Variants in CCNB1IP1 observed in about 807,000 individuals in gnomAD.
CCNB1IP1 encodes the protein E3 ubiquitin-protein ligase CCNB1IP1.
A neutral mutation model predicts 25.6 loss-of-function variants in CCNB1IP1; 14 were observed. The observed-to-expected ratio is 0.55, with a 90% CI of 0.36 to 0.85. The LOEUF (loss-of-function observed/expected upper bound fraction) is 0.85, where lower values mean the gene tolerates loss of function less well. Among genes scored for constraint, CCNB1IP1 ranks in the 40% least tolerant of loss-of-function variants. The pLI is 0.01. For synonymous variants in CCNB1IP1, 119 were observed against 116.1 expected, an observed-to-expected ratio of 1.02 and a Z score of -0.16; for missense variants, 278 against 342.4, an observed-to-expected ratio of 0.81 and a Z score of 1.48.
At chr14:20,313,943 C>G in intron 5 of CCNB1IP1, 142 bp from the exon 6 acceptor site, 1 of 578,716 alleles carries the variant, frequency 1.7e-6, no homozygotes, top group Admixed American at 3.5e-5. Context: ...AAGAAGCAAT[C>G]AGGATACACA....
chr14:20,318,237 G>A (rs1489092517), intron 4 of CCNB1IP1: 1 of 152,298 alleles, frequency 6.6e-6, no homozygotes, highest in Non-Finnish European at 1.5e-5. Flanking sequence ...ACTTTGGGAG[G>A]CTGAGGCGGG....
chr14:20,326,614 T>C (rs940721765), intron 3 of CCNB1IP1, 102 bp downstream of exon 3: 1 of 443,688 alleles, frequency 2.3e-6, no homozygotes, highest in Non-Finnish European at 4.7e-6. Context: ...GGATTTTTTT[T>C]AATTACCAAA....
At chr14:20,312,919 CAACTT>C (rs950975699) in intron 6 of CCNB1IP1, among the ~76,000 whole-genome samples, 72 of 152,102 alleles carry the variant, frequency 4.7e-4, no homozygotes, top group African/African-American at 1.5e-3. Context: ...ACCAAACTGA[CAACTT>C]AAGAACTGTA....
chr14:20,330,293 C>CA (rs1883197084), intron 1 of CCNB1IP1, among the ~76,000 whole-genome samples: 1 of 151,858 alleles, frequency 6.6e-6, no homozygotes, highest in Non-Finnish European at 1.5e-5. Context: ...ACTGGGTTCA[C>CA]AGGAACAAAA....
rs1882702511 is a variant in CCNB1IP1 at position 20,316,527 on chromosome 14, A to C, written c.-4T>G. 2 of 1,596,128 alleles carry C rather than the reference A, an allele frequency of 1.3e-6. No homozygotes were observed. The highest frequency in any genetic ancestry group is 1.7e-6 in the Non-Finnish European group (2 of 1,172,596). ...GCATGTCTTCACACAAAGACATAAT[A>C]GGATAGTGAGGTCTCCAGAAGCTGA... On this transcript the variant is annotated 5_prime_UTR_variant, in exon 5 of 7. Coordinates refer to ENST00000358932, the MANE Select transcript of CCNB1IP1 (RefSeq NM_021178.5).
chr14:20,325,857 G>T (rs1366884198), intron 3 of CCNB1IP1, among the ~76,000 whole-genome samples: 2 of 151,310 alleles, frequency 1.3e-5, no homozygotes, highest in African/African-American at 2.5e-5. Flanking sequence ...TTAGAAAATA[G>T]GTTTATAATA....
At chr14:20,324,483 G>T (rs1005982402) in intron 4 of CCNB1IP1, among the ~76,000 whole-genome samples, 2 of 152,144 alleles carry the variant, frequency 1.3e-5, no homozygotes, top group African/African-American at 4.8e-5. Flanking sequence ...ACCACGTCAG[G>T]CCAAAACAAA....
At chr14:20,315,863 A>T (rs1311655960) in intron 5 of CCNB1IP1, 3 of 691,662 alleles carry the variant, frequency 4.3e-6, no homozygotes, top group African/African-American at 3.7e-5. Context: ...GGGCAACACA[A>T]GAAAACCCCG....
chr14:20,312,628 CA>C (rs1882537233), intron 6 of CCNB1IP1, among the ~76,000 whole-genome samples: 2 of 151,844 alleles, frequency 1.3e-5, no homozygotes, highest in Admixed American at 1.3e-4. Context: ...ATGCCAAAAA[CA>C]ATTTCCATTA....
At position 20,313,625 on chromosome 14, in the gene CCNB1IP1, A is replaced by G. The variant is rs1371523004; in HGVS notation, c.474T>C (p.Ser158=). The G allele has an allele frequency of 3.1e-6, 5 of 1,614,072 alleles. No homozygotes were observed. Among genetic ancestry groups the G allele is most frequent in the Admixed American group, 1.7e-5 (1 of 60,002 alleles). The change falls in exon 6 of 7, where the codon AGT becomes AGC. Residue 158 remains serine, a synonymous_variant. Transcript: ENST00000358932. ...GCTCCATAAGTTTCTCAGAGATGTC[A>G]CTGAACTTTTTCTTGTATTCTTCTA... The part of the protein sequence containing the change: ...KVLEEYKKKF[S]DISEKLMERN...
chr14:20,311,529 G>A lies in CCNB1IP1; in HGVS notation c.*21C>T. 1 of 1,603,018 alleles carries A rather than the reference G, an allele frequency of 6.2e-7. No homozygotes were observed. Among genetic ancestry groups the A allele is most frequent in the South Asian group, 1.1e-5 (1 of 90,816 alleles). Reference sequence around the variant, plus strand: ...ACCTCCTAAGTAGCTGGGATCACAGGTGCGTGACACTATGCGTGGCTCAAA... The same window carrying A: ...ACCTCCTAAGTAGCTGGGATCACAGATGCGTGACACTATGCGTGGCTCAAA... On this transcript the variant is annotated 3_prime_UTR_variant, in exon 7 of 7. Coordinates refer to ENST00000358932, the MANE Select transcript of CCNB1IP1 (RefSeq NM_021178.5).
At chr14:20,317,526 TAA>T (rs1005877495) in intron 4 of CCNB1IP1, 1 of 152,224 alleles carries the variant, frequency 6.6e-6, no homozygotes, top group Non-Finnish European at 1.5e-5. Context: ...CAGTTAAGAT[TAA>T]GAGGCCTATT....
intron 1 of CCNB1IP1, chr14:20,330,664 T>G (rs1490519985): frequency 1.3e-5 from 2 of 151,414 alleles, no homozygotes; most frequent in Non-Finnish European, 1.5e-5. Context: ...CACCACAACC[T>G]CCACCTCCCG....
chr14:20,315,788 A>G, intron 5 of CCNB1IP1: 1 of 1,263,144 alleles, frequency 7.9e-7, no homozygotes, highest in Non-Finnish European at 1.0e-6. Flanking sequence ...TACCAAGTGA[A>G]GCACAGGCTA....
chr14:20,316,735 G>A (rs1380956471), intron 4 of CCNB1IP1, among the ~76,000 whole-genome samples, 175 bp from the exon 5 acceptor site: 1 of 152,084 alleles, frequency 6.6e-6, no homozygotes, highest in Non-Finnish European at 1.5e-5. Flanking sequence ...AATTGTGCTC[G>A]TTTGTCCGGT....
At chr14:20,318,608 G>A (rs1406426708) in intron 4 of CCNB1IP1, 1 of 152,186 alleles carries the variant, frequency 6.6e-6, no homozygotes, top group Non-Finnish European at 1.5e-5. Context: ...CTCTAATGCT[G>A]TTGCCTGTCA....
At position 20,312,929 on chromosome 14, in the gene CCNB1IP1, A is replaced by G. The variant is rs1882548009; in HGVS notation, c.631+539T>C. Among the ~76,000 whole-genome samples the G allele has an allele frequency of 2.6e-5, 4 of 152,186 alleles. No individual in the cohort carries two copies. The South Asian group carries it at 6.2e-4, about 24-fold the overall frequency. ...AAACAACCAAACTGACAACTTAAGA[A>G]CTGTACAATCAGTATTGGCAGGTGA... On this transcript the variant is annotated intron_variant, in intron 6 of 6. Coordinates refer to ENST00000358932, the MANE Select transcript of CCNB1IP1 (RefSeq NM_021178.5).
rs375338141 is a variant in CCNB1IP1, at chr14:20,324,442, TC to T, written c.-38+1096del. 4.9e-4 allele frequency among the ~76,000 whole-genome samples: 75 copies of T among 152,228 alleles called. No individual in the cohort carries two copies. In the South Asian group the frequency reaches 7.3e-3, roughly 15 times the overall value. Reference sequence around the variant, plus strand: ...CCTTAGGTGATCTGCCCACCTCGCCTCCCAAAGTGCTGGGTTTACAGGCATG... The same window carrying T: ...CCTTAGGTGATCTGCCCACCTCGCCTCCAAAGTGCTGGGTTTACAGGCATG... On this transcript the variant is annotated intron_variant, in intron 4 of 6. Transcript: ENST00000358932.
In CCNB1IP1 at chr14:20,333,260, A is replaced by C. The variant is rs539303079; in HGVS notation, c.-437T>G. ...AAATTAAGCGCACACTCACCAGCCC[A>C]CCAAAACGGAGAGGGAAAGAAAGTG... On this transcript the variant is annotated 5_prime_UTR_variant, in exon 1 of 7. Transcript: ENST00000358932. 2.4e-4 allele frequency: 36 copies of C among 152,424 alleles called. No individual in the cohort carries two copies. Among genetic ancestry groups the C allele is most frequent in the African/African-American group, 8.2e-4 (34 of 41,582 alleles). The allele number at this position is 152,424 out of a possible 1,614,324, so 9.4% of individuals were successfully genotyped here.
Sources: allele counts gnomAD v4.1 joint callset (sites outside exome capture counted in the v4.1 genomes callset), GRCh38; gene constraint gnomAD v4.1.1; transcripts MANE v1.5; gene names NCBI Gene and HGNC (gene_info 2026-07-23, HGNC 2026-07-21).